The following PABPC4 variants were observed in gnomAD, a reference collection of about 807,000 sequenced individuals.
PABPC4 encodes polyadenylate-binding protein 4.
A neutral mutation model predicts 74.5 loss-of-function variants in PABPC4; 15 were observed. The ratio of observed to expected loss-of-function variants is 0.20; its 90% CI spans 0.13 to 0.31. PABPC4 has a LOEUF of 0.31. Ranked by LOEUF, PABPC4 falls within the 10% of genes least tolerant of loss-of-function variation. The pLI is 1.00. For missense variants in PABPC4, 610 were observed against 853.5 expected (o/e 0.71, Z 3.55); for synonymous variants, 345 against 303.0 (o/e 1.14, Z -1.44).
rs1379559867 is a variant in PABPC4 at position 39,564,732 on chromosome 1, T to G, written c.1287A>C (p.Ala429=). The change falls in exon 9 of 16, where the codon GCA becomes GCC. Residue 429 remains alanine (A), a synonymous_variant. Coordinates refer to ENST00000372858, the MANE Select transcript of PABPC4 (RefSeq NM_001135653.2). Reference sequence around the variant, plus strand: ...GCCAGCGTGGATTAGGCCTCATCTGTGCTAACTGGTTAGGTGTATAATATG... The same window carrying G: ...GCCAGCGTGGATTAGGCCTCATCTGGGCTAACTGGTTAGGTGTATAATATG... The part of the protein sequence containing the change: ...RPPYYTPNQL[A]QMRPNPRWQQ... The G allele has an allele frequency of 1.2e-6, 2 of 1,614,172 alleles. No homozygotes were observed. Among genetic ancestry groups the G allele is most frequent in the Non-Finnish European group, 1.7e-6 (2 of 1,180,030 alleles).
chr1:39,571,378 C>T, intron 2 of PABPC4, 29 bp from the exon 3 acceptor site: 4 of 1,612,726 alleles, frequency 2.5e-6, no homozygotes, highest in Non-Finnish European at 3.4e-6. Flanking sequence ...ACCACTTTAG[C>T]AGAACTGGCC....
At chr1:39,567,608 G>A in intron 7 of PABPC4, 143 bp downstream of exon 7, 1 of 697,504 alleles carries the variant, frequency 1.4e-6, no homozygotes, top group Non-Finnish European at 2.6e-6. Context: ...TCTCCAGAAT[G>A]CATCCAGAAA....
intron 6 of PABPC4, 145 bp from the exon 7 acceptor site, chr1:39,567,991 C>T (rs1645875527): frequency 3.5e-6 from 2 of 567,872 alleles, no homozygotes; most frequent in Non-Finnish European, 6.3e-6. Flanking sequence ...GACGCGGTGG[C>T]TCACGCCTGT....
At position 39,572,631 on chromosome 1, in the gene PABPC4, T is replaced by C. The variant is rs866423223; in HGVS notation, c.194-45A>G. The C allele has an allele frequency of 2.0e-6, 3 of 1,487,000 alleles. No homozygotes were observed. In the African/African-American group the frequency reaches 4.2e-5, roughly 21 times the overall value. The allele number at this position is 1,487,000 out of a possible 1,614,324, so 92.1% of individuals were successfully genotyped here. A position where few individuals can be genotyped will look rare whatever the true frequency, so the allele number is the denominator to read the frequency against. On this transcript the variant is annotated intron_variant, in intron 1 of 15. Coordinates refer to ENST00000372858, the MANE Select transcript of PABPC4 (RefSeq NM_001135653.2). The stretch of plus-strand genomic sequence containing the variant: ...TTCAATAAGGAGAGAAAACGTCAGC[T>C]CCCACAGGCCAACAGCCTAAGAACA...
intron 12 of PABPC4, 115 bp downstream of exon 12, chr1:39,563,499 G>A (rs761455642): frequency 5.2e-5 from 68 of 1,305,724 alleles, no homozygotes; most frequent in East Asian, 7.2e-5. Flanking sequence ...AGAACATAGC[G>A]TCATAACACA....
chr1:39,567,394 G>A, intron 7 of PABPC4: 1 of 525,162 alleles, frequency 1.9e-6, no homozygotes, highest in Non-Finnish European at 3.8e-6. Context: ...GAGCTGTAGA[G>A]ACAGGCCCCA....
At chr1:39,563,957 C>T (rs979771997) in intron 10 of PABPC4, 35 bp from the exon 11 acceptor site, 7 of 1,594,022 alleles carry the variant, frequency 4.4e-6, no homozygotes, top group Admixed American at 1.7e-5. Flanking sequence ...TCAGTGTTGG[C>T]GGCAGATGTC....
At chr1:39,567,928 G>C in intron 6 of PABPC4, 82 bp from the exon 7 acceptor site, 1 of 742,428 alleles carries the variant, frequency 1.3e-6, no homozygotes. Flanking sequence ...GGTGGCCCCA[G>C]ACCAGGAGCA....
chr1:39,568,591 T>G, intron 6 of PABPC4: 1 of 464,906 alleles, frequency 2.2e-6, no homozygotes, highest in Admixed American at 4.0e-5. Flanking sequence ...AATAGAGAGC[T>G]TCTTGATGAA....
chr1:39,567,658 C>T, intron 7 of PABPC4, 93 bp downstream of exon 7: 2 of 754,596 alleles, frequency 2.7e-6, no homozygotes, highest in East Asian at 4.9e-5. Context: ...CAGAAATGAA[C>T]ATAATTTAAA....
At chr1:39,575,697 C>G in intron 1 of PABPC4, 62 bp downstream of exon 1, 1 of 1,338,282 alleles carries the variant, frequency 7.5e-7, no homozygotes, top group Non-Finnish European at 1.0e-6. Context: ...AGGGCCCTGC[C>G]AGAAGACGAC....
At chr1:39,571,641 T>A (rs1177759360) in intron 2 of PABPC4, 1 of 518,822 alleles carries the variant, frequency 1.9e-6, no homozygotes, top group Non-Finnish European at 3.7e-6. Context: ...GTAATCCCAA[T>A]GCTTTGGGAG....
At chr1:39,567,167 A>C (rs749021657) in intron 7 of PABPC4, among the ~76,000 whole-genome samples, 1 of 152,164 alleles carries the variant, frequency 6.6e-6, no homozygotes, top group Non-Finnish European at 1.5e-5. Context: ...TCTCTTGTTC[A>C]AGGACTAAAA....
intron 7 of PABPC4, 149 bp from the exon 8 acceptor site, chr1:39,565,527 C>T: frequency 1.3e-6 from 1 of 762,970 alleles, no homozygotes. Context: ...TGTAGTGAGA[C>T]CTCATCTCAA....
chr1:39,571,182 G>A lies in PABPC4; in HGVS notation c.503+52C>T, dbSNP rs565938133. The A allele has an allele frequency of 3.7e-6, 6 of 1,611,652 alleles. No homozygotes were observed. The Admixed American group carries it at 6.7e-5, about 18-fold the overall frequency. ...TGTGTGTGCCAGTTAATAGCGAGGT[G>A]GGGCCACGGCTGGCTCATGCGATGG... On this transcript the variant is annotated intron_variant, in intron 3 of 15. Transcript: ENST00000372858.
Position 39,564,704 on chromosome 1 carries a change from G to C in PABPC4, c.1315C>G (p.Gln439Glu), listed in dbSNP as rs768472138. The C allele has an allele frequency of 6.2e-7, 1 of 1,614,028 alleles. No homozygotes were observed. Among genetic ancestry groups the C allele is most frequent in the Non-Finnish European group, 8.5e-7 (1 of 1,179,932 alleles). ...AQMRPNPRWQ[Q>E]GGRPQGFQGM... ...CACCTACCTTGAGGTCTCCCACCTTGCTGCCAGCGTGGATTAGGCCTCATC... is the reference window on the plus strand; with the variant it reads ...CACCTACCTTGAGGTCTCCCACCTTCCTGCCAGCGTGGATTAGGCCTCATC... Residue 439 changes from glutamine (Q) to glutamate (E), a missense_variant, in exon 9 of 16, where the codon CAA becomes GAA. Gln to Glu is a conservative substitution (Grantham distance 29). Coordinates refer to ENST00000372858, the MANE Select transcript of PABPC4 (RefSeq NM_001135653.2).
intron 14 of PABPC4, 56 bp downstream of exon 14, chr1:39,562,017 G>GCCC: frequency 1.3e-6 from 2 of 1,586,318 alleles, no homozygotes; most frequent in Non-Finnish European, 1.7e-6. Flanking sequence ...ATCCAAGTTT[G>GCCC]CCCCCAGTCT....
chr1:39,571,000 G>A (rs1313825153), intron 3 of PABPC4: 8 of 1,327,882 alleles, frequency 6.0e-6, no homozygotes, highest in Non-Finnish European at 7.9e-6. Flanking sequence ...ACAGACAGAT[G>A]CCTTTAAGGG....
chr1:39,563,551 CT>C (rs764431386), intron 12 of PABPC4, 62 bp downstream of exon 12: 89 of 1,572,626 alleles, frequency 5.7e-5, no homozygotes, highest in Non-Finnish European at 7.5e-5. Context: ...AAAAGCACAG[CT>C]TCTTTTACAT....
Sources: allele counts gnomAD v4.1 joint callset (sites outside exome capture counted in the v4.1 genomes callset), GRCh38; gene constraint gnomAD v4.1.1; transcripts MANE v1.5; gene names NCBI Gene and HGNC (gene_info 2026-07-23, HGNC 2026-07-21).